The following SYNE1 variants were observed in gnomAD, a reference collection of about 807,000 sequenced individuals.
SYNE1 encodes the protein spectrin repeat containing nuclear envelope protein 1, also known as nesprin-1.
SYNE1 carries 616 observed loss-of-function variants against 1,111.0 expected under a neutral mutation model. That is an observed-to-expected ratio of 0.55 (90% confidence interval 0.52 to 0.59). SYNE1 has a LOEUF of 0.59. Among genes scored for constraint, SYNE1 ranks in the 20% least tolerant of loss-of-function variants. The probability of loss-of-function intolerance (pLI) is 0.00; values close to 1 mark genes in which losing one functional copy is unlikely to be tolerated. For synonymous variants in SYNE1, 3,855 were observed against 3,825.8 expected (o/e 1.01, Z -0.28); for missense variants, 10,006 against 10,417.0 (o/e 0.96, Z 1.72).
intron 131 of SYNE1, among the ~76,000 whole-genome samples, chr6:152,159,677 T>C (rs2062047210): frequency 6.6e-6 from 1 of 152,158 alleles, no homozygotes; most frequent in Non-Finnish European, 1.5e-5. Context: ...TGATTATGGC[T>C]CACTGCAGCC....
chr6:152,472,936 T>C (rs1311371902), intron 14 of SYNE1, among the ~76,000 whole-genome samples: 2 of 152,200 alleles, frequency 1.3e-5, no homozygotes, highest in Non-Finnish European at 2.9e-5. Context: ...CCCTTTTGAT[T>C]AGAAAATTTC....
At chr6:152,506,263 T>C (rs1343839947) in intron 8 of SYNE1, among the ~76,000 whole-genome samples, 2 of 152,132 alleles carry the variant, frequency 1.3e-5, no homozygotes, top group Admixed American at 1.3e-4. Flanking sequence ...GAAAACAGAG[T>C]TGTAAAGATG....
chr6:152,588,345 T>A (rs2099547057), intron 3 of SYNE1, among the ~76,000 whole-genome samples: 1 of 152,210 alleles, frequency 6.6e-6, no homozygotes, highest in Non-Finnish European at 1.5e-5. Flanking sequence ...GCTTACACCG[T>A]GCTGGGCTAA....
chr6:152,455,465 C>T lies in SYNE1; in HGVS notation c.2853G>A (p.Glu951=). ...KVLRIAQEGL[E]EKGDPEELLR... is the part of the protein sequence containing the mutation. ...GGAGCTCCTCTGGATCCCCCTTTTC[C>T]TCCAGGCCCTCCTGAGCAATCCGCA... Residue 951 remains glutamate, a synonymous_variant, in exon 24 of 146, where the codon GAG becomes GAA. Transcript: ENST00000367255. 5 of 1,614,180 alleles carry T rather than the reference C, an allele frequency of 3.1e-6. No individual in the cohort carries two copies. The highest frequency in any genetic ancestry group is 4.2e-6 in the Non-Finnish European group (5 of 1,180,016).
intron 127 of SYNE1, among the ~76,000 whole-genome samples, chr6:152,190,232 C>A (rs2071833024): frequency 6.6e-6 from 1 of 152,146 alleles, no homozygotes. Context: ...CAAGTTTTAA[C>A]ATGAGATTGC....
At chr6:152,531,953 A>G (rs1375445387) in intron 4 of SYNE1, among the ~76,000 whole-genome samples, 1 of 152,196 alleles carries the variant, frequency 6.6e-6, no homozygotes, top group East Asian at 1.9e-4. Flanking sequence ...TAATGCTACT[A>G]TGAGCGTGAG....
intron 91 of SYNE1, 140 bp downstream of exon 91, chr6:152,308,349 T>C: frequency 8.4e-7 from 1 of 1,194,576 alleles, no homozygotes; most frequent in East Asian, 2.3e-5. Context: ...AATGCTTAGA[T>C]AGCCAAAGAG....
At chr6:152,425,662 C>T (rs1039496095) in intron 38 of SYNE1, 115 bp from the exon 39 acceptor site, 17 of 1,203,968 alleles carry the variant, frequency 1.4e-5, no homozygotes, top group African/African-American at 4.5e-5. Flanking sequence ...GCAAGTCATT[C>T]GGGACAGGCT....
rs549518837 is a variant in SYNE1, at chr6:152,469,866, C to A, written c.1632+1731G>T. ...CCTTGGTATCTAAAACAATGTGAAACCCCCAGTCTGTAGGGCCATCACTGA... is the reference window on the plus strand; with the variant it reads ...CCTTGGTATCTAAAACAATGTGAAAACCCCAGTCTGTAGGGCCATCACTGA... On this transcript the variant is annotated intron_variant, in intron 16 of 145. Coordinates refer to ENST00000367255, the MANE Select transcript of SYNE1 (RefSeq NM_182961.4). Among the ~76,000 whole-genome samples, 66 of 152,200 alleles carry A rather than the reference C, an allele frequency of 4.3e-4. 1 individual carries two copies. The East Asian group carries it at 0.011, about 26-fold the overall frequency.
In SYNE1 at chr6:152,211,547, G is replaced by A. The variant is rs2077521901; in HGVS notation, c.22536C>T (p.His7512=). ...GACGTTGCCCATCAATAATGATTGAGTGCAAAATCTGCTGACGACTGAACA... is the reference window on the plus strand; with the variant it reads ...GACGTTGCCCATCAATAATGATTGAATGCAAAATCTGCTGACGACTGAACA... ...AEMFSRQQIL[H]SIIIDGQRLL... Residue 7512 remains histidine (H), a synonymous_variant, in exon 124 of 146, where the codon CAC becomes CAT. Coordinates refer to ENST00000367255, the MANE Select transcript of SYNE1 (RefSeq NM_182961.4). The A allele has an allele frequency of 1.2e-6, 2 of 1,613,838 alleles. No homozygotes were observed. The highest frequency in any genetic ancestry group is 1.7e-6 in the Non-Finnish European group (2 of 1,179,888).
At chr6:152,488,070 G>A (rs1222491883) in intron 12 of SYNE1, among the ~76,000 whole-genome samples, 8 of 101,258 alleles carry the variant, frequency 7.9e-5, no homozygotes, top group East Asian at 4.1e-4. Context: ...GTGAGACTCC[G>A]TCTCAAAAAA....
intron 130 of SYNE1, among the ~76,000 whole-genome samples, chr6:152,172,875 C>G (rs998087310): frequency 6.6e-6 from 1 of 152,226 alleles, no homozygotes; most frequent in Admixed American, 6.5e-5. Flanking sequence ...AAGGTAGCCA[C>G]TAGCCTCATG....
chr6:152,380,917 A>T, intron 56 of SYNE1, 89 bp downstream of exon 56: 1 of 1,303,328 alleles, frequency 7.7e-7, no homozygotes, highest in Non-Finnish European at 1.1e-6. Context: ...GCGTGTTTTT[A>T]GTTAGCAAGA....
At chr6:152,217,972 G>C (rs1038682394) in intron 121 of SYNE1, among the ~76,000 whole-genome samples, 11 of 152,052 alleles carry the variant, frequency 7.2e-5, no homozygotes, top group Non-Finnish European at 1.6e-4. Context: ...TGTAATTCCA[G>C]CATTTTGGGA....
intron 39 of SYNE1, among the ~76,000 whole-genome samples, chr6:152,424,009 C>G (rs756444507): frequency 1.1e-4 from 17 of 152,306 alleles, no homozygotes; most frequent in South Asian, 6.2e-4. Flanking sequence ...TGCCTGAAAT[C>G]GTCTTGTTTG....
chr6:152,626,891 T>A (rs1424328018), intron 3 of SYNE1, among the ~76,000 whole-genome samples: 1 of 152,176 alleles, frequency 6.6e-6, no homozygotes, highest in Non-Finnish European at 1.5e-5. Flanking sequence ...TTGGTATGTA[T>A]TTGAAGGTCA....
intron 58 of SYNE1, among the ~76,000 whole-genome samples, chr6:152,374,603 T>A (rs9479305): frequency 1.3e-5 from 2 of 151,784 alleles, no homozygotes; most frequent in Admixed American, 6.6e-5. Context: ...GTGAAACCCC[T>A]TCTCTACCAA....
At position 152,519,328 on chromosome 6, in the gene SYNE1, G is replaced by A. The variant is rs75153725; in HGVS notation, c.309+1131C>T. Among the ~76,000 whole-genome samples, 1,006 of 152,126 alleles carry A rather than the reference G, an allele frequency of 6.6e-3. 15 individuals carry two copies. The highest frequency in any genetic ancestry group is 0.023 in the African/African-American group (963 of 41,486). On this transcript the variant is annotated intron_variant, in intron 6 of 145. Transcript: ENST00000367255. Reference sequence around the variant, plus strand: ...AAGTGGTTGATTCCAGGACTGGGGAGGGAAAATTTAAGAAAAACCTGGAAT... The same window carrying A: ...AAGTGGTTGATTCCAGGACTGGGGAAGGAAAATTTAAGAAAAACCTGGAAT...
At chr6:152,202,083 A>C in intron 126 of SYNE1, 134 bp from the exon 127 acceptor site, 22 of 1,197,720 alleles carry the variant, frequency 1.8e-5, no homozygotes, top group Non-Finnish European at 2.5e-5. Context: ...GTGGTGGCTC[A>C]CGCGTGTAAT....
Sources: allele counts gnomAD v4.1 joint callset (sites outside exome capture counted in the v4.1 genomes callset), GRCh38; gene constraint gnomAD v4.1.1; transcripts MANE v1.5; gene names NCBI Gene and HGNC (gene_info 2026-07-23, HGNC 2026-07-21).